GPC5: variants seen among roughly 807,000 people sequenced by gnomAD.
GPC5 encodes the protein glypican 5, also known as glypican-5.
GPC5 carries 47 observed loss-of-function variants against 53.9 expected under a neutral mutation model. The ratio of observed to expected loss-of-function variants is 0.87; its 90% CI spans 0.69 to 1.11. The LOEUF (loss-of-function observed/expected upper bound fraction) is 1.11. Ranked by LOEUF, GPC5 falls within the 50% of genes most tolerant of loss-of-function variation. The pLI is 0.00. For missense variants in GPC5, 748 were observed against 713.1 expected (o/e 1.05, Z -0.56); for synonymous variants, 286 against 263.3 (o/e 1.09, Z -0.84).
At chr13:92,341,464 A>G (rs2043366091) in intron 7 of GPC5, among the ~76,000 whole-genome samples, 1 of 152,168 alleles carries the variant, frequency 6.6e-6, no homozygotes. Context: ...AATCTATAAG[A>G]TTAAATGAAA....
intron 5 of GPC5, among the ~76,000 whole-genome samples, chr13:91,772,473 G>C (rs760970332): frequency 2.0e-5 from 3 of 152,060 alleles, no homozygotes; most frequent in Admixed American, 1.3e-4. Context: ...GGCTCATTTT[G>C]AGAAGTTTAC....
At chr13:92,634,120 C>A (rs1444449772) in intron 7 of GPC5, among the ~76,000 whole-genome samples, 1 of 151,754 alleles carries the variant, frequency 6.6e-6, no homozygotes, top group Non-Finnish European at 1.5e-5. Context: ...TACGGACTAT[C>A]TTTTAATGGA....
chr13:92,048,552 C>G (rs143716878), intron 6 of GPC5, among the ~76,000 whole-genome samples: 14 of 152,086 alleles, frequency 9.2e-5, no homozygotes, highest in Non-Finnish European at 1.8e-4. Context: ...ACACATCTAT[C>G]GCTAATATAT....
intron 6 of GPC5, among the ~76,000 whole-genome samples, chr13:92,007,787 A>G (rs1039553827): frequency 1.3e-5 from 2 of 151,564 alleles, no homozygotes; most frequent in Non-Finnish European, 2.9e-5. Context: ...TTTTCCTTTT[A>G]TTTTTACTCT....
At chr13:92,048,956 T>A (rs2041005370) in intron 6 of GPC5, among the ~76,000 whole-genome samples, 1 of 152,198 alleles carries the variant, frequency 6.6e-6, no homozygotes, top group Non-Finnish European at 1.5e-5. Context: ...ACATGGCTTA[T>A]TTGGAACAGA....
chr13:92,858,303 G>A (rs531041060), intron 7 of GPC5, among the ~76,000 whole-genome samples: 23 of 152,262 alleles, frequency 1.5e-4, no homozygotes, highest in Non-Finnish European at 2.8e-4. Context: ...CCCTGCACAC[G>A]CTGTCTTGCC....
intron 7 of GPC5, among the ~76,000 whole-genome samples, chr13:92,165,359 G>T (rs1593951050): frequency 6.6e-6 from 1 of 152,090 alleles, no homozygotes; most frequent in South Asian, 2.1e-4. Context: ...CCAATTTATT[G>T]TATTAGTTTG....
intron 2 of GPC5, among the ~76,000 whole-genome samples, chr13:91,544,069 C>T (rs2030129249): frequency 6.6e-6 from 1 of 151,630 alleles, no homozygotes. Flanking sequence ...TTTCTAGTAC[C>T]TGAAATATCA....
rs191734241 is a variant in GPC5 at position 92,398,264 on chromosome 13, C to A, written c.1561+253275C>A. On this transcript the variant is annotated intron_variant, in intron 7 of 7. Transcript: ENST00000377067. ...CTAAAACGGTGAAACCCCGTCTCTA[C>A]TAAAAATACAAAAAATTAGCCGGGC... Among the ~76,000 whole-genome samples, 579 of 150,702 alleles carry A rather than the reference C, an allele frequency of 3.8e-3. 6 individuals are homozygous for A. The highest frequency in any genetic ancestry group is 0.014 in the African/African-American group (560 of 40,886).
chr13:91,832,109 TC>T (rs1345422148), intron 5 of GPC5, among the ~76,000 whole-genome samples: 3 of 151,902 alleles, frequency 2.0e-5, no homozygotes, highest in Non-Finnish European at 4.4e-5. Flanking sequence ...TCTTTGTAGG[TC>T]TCTAAGAACT....
intron 7 of GPC5, among the ~76,000 whole-genome samples, chr13:92,678,391 T>G (rs1284914175): frequency 1.2e-4 from 18 of 152,122 alleles, no homozygotes; most frequent in Non-Finnish European, 1.6e-4. Context: ...GGACTGAAGA[T>G]TCTGTTTTAA....
intron 7 of GPC5, among the ~76,000 whole-genome samples, chr13:92,510,881 C>CA (rs776208022): frequency 2.4e-4 from 37 of 152,178 alleles, no homozygotes; most frequent in Non-Finnish European, 4.9e-4. Context: ...CTAGGGTTTG[C>CA]AACTTGTCTG....
intron 2 of GPC5, among the ~76,000 whole-genome samples, chr13:91,502,310 A>C (rs2210869): frequency 0.28 from 41,799 of 151,802 alleles, 6,460 homozygotes; most frequent in South Asian, 0.42. Context: ...TTAGACATGA[A>C]GTCCTTGCTC....
At chr13:92,611,562 A>C (rs1289146478) in intron 7 of GPC5, among the ~76,000 whole-genome samples, 2 of 151,712 alleles carry the variant, frequency 1.3e-5, no homozygotes, top group Admixed American at 6.6e-5. Context: ...ATGTCTATAA[A>C]ATGGAATCTG....
intron 6 of GPC5, among the ~76,000 whole-genome samples, chr13:92,093,674 T>C (rs1283732819): frequency 6.6e-6 from 1 of 152,188 alleles, no homozygotes; most frequent in African/African-American, 2.4e-5. Flanking sequence ...TAAGTGCAAT[T>C]CTACTTCATT....
intron 2 of GPC5, among the ~76,000 whole-genome samples, chr13:91,553,520 A>G (rs1413860260): frequency 6.6e-6 from 1 of 152,070 alleles, no homozygotes; most frequent in African/African-American, 2.4e-5. Flanking sequence ...ACCCAGTTCA[A>G]TCTGTATATG....
chr13:92,363,127 G>C (rs1373868912), intron 7 of GPC5, among the ~76,000 whole-genome samples: 1 of 151,680 alleles, frequency 6.6e-6, no homozygotes, highest in Non-Finnish European at 1.5e-5. Context: ...ATAATGATTT[G>C]CAAAAGCATG....
At position 92,065,504 on chromosome 13, in the gene GPC5, T is replaced by G. The variant is rs76518987; in HGVS notation, c.1402-79326T>G. 7.9e-3 allele frequency among the ~76,000 whole-genome samples: 1,200 copies of G among 152,252 alleles called. 73 individuals carry two copies. Among genetic ancestry groups the G allele is most frequent in the Admixed American group, 0.067 (1,017 of 15,274 alleles). On this transcript the variant is annotated intron_variant, in intron 6 of 7. Transcript: ENST00000377067. Reference sequence around the variant, plus strand: ...AAATTCCTAAAGCTGAATATTAGTGTGTAAATGAGTACTCTAAACCAATAG... The same window carrying G: ...AAATTCCTAAAGCTGAATATTAGTGGGTAAATGAGTACTCTAAACCAATAG...
intron 6 of GPC5, among the ~76,000 whole-genome samples, chr13:91,997,539 G>C (rs1250743985): frequency 6.6e-6 from 1 of 150,928 alleles, no homozygotes; most frequent in African/African-American, 2.5e-5. Context: ...GTTTGTTTAA[G>C]ACAGAGTCTC....
Sources: gnomAD v4.1 joint callset for allele counts (sites outside exome capture counted in the v4.1 genomes callset) on GRCh38, gnomAD v4.1.1 for gene constraint, MANE v1.5 for transcripts, NCBI Gene and HGNC (gene_info 2026-07-23, HGNC 2026-07-21) for gene names.